Variants in DEUP1 observed in about 807,000 individuals in gnomAD.
DEUP1 encodes deuterosome assembly protein 1, also known as coiled-coil domain containing 67.
DEUP1 carries 82 observed loss-of-function variants against 87.4 expected under a neutral mutation model. That is an observed-to-expected ratio of 0.94 (90% CI 0.78 to 1.13). The LOEUF (loss-of-function observed/expected upper bound fraction) is 1.13, where lower values mean the gene tolerates loss of function less well. Ranked by LOEUF, DEUP1 falls within the 50% of genes most tolerant of loss-of-function variation. The pLI is 0.00. For synonymous variants in DEUP1, 214 were observed against 222.7 expected (o/e 0.96, Z 0.35); for missense variants, 663 against 681.5 (o/e 0.97, Z 0.30).
At chr11:93,414,374 G>A (rs1157100193) in intron 12 of DEUP1, among the ~76,000 whole-genome samples, 5 of 152,052 alleles carry the variant, frequency 3.3e-5, no homozygotes, top group African/African-American at 4.8e-5. Flanking sequence ...TTACCCTGGC[G>A]TGGTGGCGGG....
chr11:93,430,091 C>T (rs1395830453), intron 13 of DEUP1, among the ~76,000 whole-genome samples: 1 of 152,102 alleles, frequency 6.6e-6, no homozygotes, highest in Non-Finnish European at 1.5e-5. Context: ...TGTCTTGATA[C>T]TCTTATGTTC....
rs377578159 is a variant in DEUP1 at position 93,375,618 on chromosome 11, A to T, written c.789+4338A>T. Among the ~76,000 whole-genome samples the T allele has an allele frequency of 8.5e-5, 13 of 152,318 alleles. No homozygotes were observed. The East Asian group carries it at 2.3e-3, about 27-fold the overall frequency. On this transcript the variant is annotated intron_variant, in intron 7 of 13. Transcript: ENST00000298050. ...CTTGCATATGTTAAACCATCCCTGC[A>T]TCCCTCATTTGAAACCCACTTGATC...
At chr11:93,393,089 T>TC (rs1398256165) in intron 9 of DEUP1, among the ~76,000 whole-genome samples, 2 of 137,070 alleles carry the variant, frequency 1.5e-5, no homozygotes, top group African/African-American at 5.5e-5. Context: ...TCCTCCTTCT[T>TC]TTTTTTTTTT....
chr11:93,380,756 G>A (rs901927166), intron 7 of DEUP1, among the ~76,000 whole-genome samples: 14 of 151,968 alleles, frequency 9.2e-5, no homozygotes, highest in African/African-American at 2.4e-4. Context: ...CTATGAGGAA[G>A]TTTACCAATA....
chr11:93,370,185 A>G lies in DEUP1; in HGVS notation c.545A>G (p.Gln182Arg), dbSNP rs1406842387. ...KLLSEKCNQF[Q>R]KQAQSYQTQL... Reference sequence around the variant, plus strand: ...TTATCTGAGAAGTGTAATCAGTTTCAGGTAAGTTATCTAATACTATTCTCT... The same window carrying G: ...TTATCTGAGAAGTGTAATCAGTTTCGGGTAAGTTATCTAATACTATTCTCT... The change falls in exon 6 of 14, where the codon CAG becomes CGG. Residue 182 changes from glutamine (Q) to arginine (R), a missense_variant and splice_region_variant. Gln to Arg is a conservative substitution (Grantham distance 43). Transcript: ENST00000298050. 8 of 1,467,492 alleles carry G rather than the reference A, an allele frequency of 5.5e-6. No individual in the cohort carries two copies. In the African/African-American group the frequency reaches 8.3e-5, roughly 15 times the overall value. 90.9% of individuals were successfully genotyped at this position (1,467,492 alleles called of 1,614,324 possible).
chr11:93,330,437 T>C (rs1375735349), upstream of DEUP1, among the ~76,000 whole-genome samples: 3 of 152,168 alleles, frequency 2.0e-5, no homozygotes, highest in Non-Finnish European at 2.9e-5. Flanking sequence ...ACTGGACGTA[T>C]AACTGCGGGA....
chr11:93,418,671 C>G (rs1024689076), intron 13 of DEUP1, among the ~76,000 whole-genome samples: 1 of 151,980 alleles, frequency 6.6e-6, no homozygotes, highest in African/African-American at 2.4e-5. Flanking sequence ...ACCCAGCCAT[C>G]CCATTCCTGG....
chr11:93,407,052 A>G (rs1947300466), intron 11 of DEUP1, among the ~76,000 whole-genome samples: 1 of 152,076 alleles, frequency 6.6e-6, no homozygotes, highest in Non-Finnish European at 1.5e-5. Context: ...ATTGAAATGT[A>G]TAAGATTTAT....
intron 13 of DEUP1, among the ~76,000 whole-genome samples, chr11:93,435,952 C>T (rs1296296337): frequency 9.4e-5 from 14 of 149,492 alleles, no homozygotes; most frequent in African/African-American, 2.0e-4. Flanking sequence ...GCCGAGATCA[C>T]GCCACTGCAC....
intron 7 of DEUP1, among the ~76,000 whole-genome samples, chr11:93,381,991 A>T (rs1443598887): frequency 6.6e-6 from 1 of 152,150 alleles, no homozygotes; most frequent in African/African-American, 2.4e-5. Context: ...CTAAGTATTC[A>T]TCTGAAGTAC....
intron 13 of DEUP1, among the ~76,000 whole-genome samples, chr11:93,428,686 C>T (rs1365898344): frequency 2.0e-5 from 3 of 152,058 alleles, no homozygotes. Flanking sequence ...TACAGACAGC[C>T]ATAATCACAA....
intron 13 of DEUP1, among the ~76,000 whole-genome samples, chr11:93,418,899 G>A (rs1947756514): frequency 6.6e-6 from 1 of 152,052 alleles, no homozygotes; most frequent in East Asian, 1.9e-4. Flanking sequence ...GGATGAAGTT[G>A]GAAATCATCA....
intron 13 of DEUP1, among the ~76,000 whole-genome samples, chr11:93,435,670 CTCTT>C: frequency 6.6e-6 from 1 of 152,108 alleles, no homozygotes; most frequent in South Asian, 2.1e-4. Context: ...TCCTACACAG[CTCTT>C]TCTTTCCAGA....
chr11:93,411,724 T>C (rs1023940120), intron 12 of DEUP1, among the ~76,000 whole-genome samples: 3 of 149,842 alleles, frequency 2.0e-5, no homozygotes, highest in Non-Finnish European at 4.4e-5. Context: ...GACAAATCAA[T>C]TTTGTAATAA....
chr11:93,357,193 C>T (rs1944938726), intron 4 of DEUP1, 150 bp downstream of exon 4: 1 of 562,926 alleles, frequency 1.8e-6, no homozygotes, highest in Non-Finnish European at 3.1e-6. Context: ...GTTTTATATG[C>T]ATTGATTTTG....
rs1224305056 is a variant in DEUP1 at position 93,396,183 on chromosome 11, A to G, written c.1240-56A>G. 2.8e-6 allele frequency: 3 copies of G among 1,086,930 alleles called. No homozygotes were observed. In the East Asian group the frequency reaches 7.9e-5, roughly 28 times the overall value. 67.3% of individuals were successfully genotyped at this position (1,086,930 alleles called of 1,614,324 possible). A position where few individuals can be genotyped will look rare whatever the true frequency, so the allele number is the denominator to read the frequency against. On this transcript the variant is annotated intron_variant, in intron 10 of 13. Coordinates refer to ENST00000298050, the MANE Select transcript of DEUP1 (RefSeq NM_181645.4). ...TGTATTCACAAGACAAAATTTTAAT[A>G]GAATTATGAGTTTTTATTATGAATT...
At chr11:93,374,566 C>G (rs1054137899) in intron 7 of DEUP1, among the ~76,000 whole-genome samples, 5 of 152,136 alleles carry the variant, frequency 3.3e-5, no homozygotes, top group South Asian at 4.2e-4. Flanking sequence ...TTTTTGTTTG[C>G]TTTGTCAAAG....
intron 8 of DEUP1, 104 bp downstream of exon 8, chr11:93,385,647 T>C: frequency 1.2e-6 from 1 of 830,954 alleles, no homozygotes; most frequent in Middle Eastern, 3.8e-4. Flanking sequence ...GTCTATTTTG[T>C]ATTAACATGT....
Position 93,371,098 on chromosome 11 carries a change from A to G in DEUP1, c.607A>G (p.Ser203Gly). 2 of 1,612,774 alleles carry G rather than the reference A, an allele frequency of 1.2e-6. No homozygotes were observed. Among genetic ancestry groups the G allele is most frequent in the Non-Finnish European group, 1.7e-6 (2 of 1,179,178 alleles). Residue 203 changes from serine (S) to glycine (G), a missense_variant, in exon 7 of 14, where the codon AGC becomes GGC. By Grantham distance (56) the Ser-to-Gly change is moderately conservative. Transcript: ENST00000298050. ...TAAAAAACAGTGCTTAGAAGACAGC[A>G]GCTCTGAAATTCCTCGTTTGATATG... The part of the protein sequence containing the change: ...NGKKQCLEDS[S>G]SEIPRLICDP...
Sources: allele counts gnomAD v4.1 joint callset (sites outside exome capture counted in the v4.1 genomes callset), GRCh38; gene constraint gnomAD v4.1.1; transcripts MANE v1.5; gene names NCBI Gene and HGNC (gene_info 2026-07-23, HGNC 2026-07-21).